Variants in CORIN observed in about 807,000 individuals in gnomAD.
The protein encoded by CORIN is corin, serine peptidase, also known as atrial natriuretic peptide-converting enzyme.
Under a neutral mutation model 125.3 loss-of-function variants are expected in CORIN, and 117 were observed. That is an observed-to-expected ratio of 0.93 (90% CI 0.80 to 1.09). The LOEUF (loss-of-function observed/expected upper bound fraction) is 1.09, where lower values mean the gene tolerates loss of function less well. Among genes scored for constraint, CORIN ranks in the 50% least tolerant of loss-of-function variants. The pLI, the probability that CORIN is intolerant of heterozygous loss-of-function variation, is 0.00. For synonymous variants in CORIN, 450 were observed against 466.4 expected, an observed-to-expected ratio of 0.96 and a Z score of 0.45; for missense variants, 1,253 against 1,306.7, an observed-to-expected ratio of 0.96 and a Z score of 0.63.
intron 16 of CORIN, among the ~76,000 whole-genome samples, chr4:47,635,398 G>T (rs937281360): frequency 6.6e-6 from 1 of 152,212 alleles, no homozygotes. Context: ...ACTGAAAGCT[G>T]CCTCAAGTAG....
chr4:47,761,971 T>C (rs1180963790), intron 4 of CORIN, among the ~76,000 whole-genome samples: 1 of 151,902 alleles, frequency 6.6e-6, no homozygotes, highest in African/African-American at 2.4e-5. Flanking sequence ...TCTCTAAGTG[T>C]GTATATATAT....
At chr4:47,644,859 CATATT>C (rs1253720430) in intron 14 of CORIN, among the ~76,000 whole-genome samples, 5 of 152,046 alleles carry the variant, frequency 3.3e-5, no homozygotes. Flanking sequence ...TTGATTTTCT[CATATT>C]ATAAATAATG....
chr4:47,725,783 C>T (rs1190043493), intron 5 of CORIN, among the ~76,000 whole-genome samples: 2 of 152,082 alleles, frequency 1.3e-5, no homozygotes, highest in African/African-American at 2.4e-5. Context: ...CTGTGAAAGA[C>T]ACTGTGAAGA....
chr4:47,674,877 T>C (rs1724943933), intron 9 of CORIN, among the ~76,000 whole-genome samples: 1 of 152,246 alleles, frequency 6.6e-6, no homozygotes, highest in Admixed American at 6.5e-5. Context: ...ATTCTGAATA[T>C]TAAGTGACAC....
chr4:47,785,757 C>T (rs1730767005), intron 3 of CORIN, among the ~76,000 whole-genome samples: 1 of 151,616 alleles, frequency 6.6e-6, no homozygotes, highest in South Asian at 2.1e-4. Context: ...ACTAAAAATA[C>T]AAAAATTAGC....
intron 3 of CORIN, among the ~76,000 whole-genome samples, chr4:47,782,112 C>T (rs972401198): frequency 6.6e-6 from 1 of 152,046 alleles, no homozygotes; most frequent in Non-Finnish European, 1.5e-5. Context: ...AGGCCAGGCG[C>T]AGTGGCTCAT....
intron 19 of CORIN, among the ~76,000 whole-genome samples, chr4:47,607,400 TC>T (rs1721695975): frequency 6.7e-6 from 1 of 150,170 alleles, no homozygotes; most frequent in African/African-American, 2.5e-5. Context: ...AGAGTGAGAC[TC>T]CATCTCAAAA....
chr4:47,754,755 G>A (rs1019946432), intron 4 of CORIN, among the ~76,000 whole-genome samples: 3 of 152,062 alleles, frequency 2.0e-5, no homozygotes, highest in Non-Finnish European at 2.9e-5. Flanking sequence ...AGGACTTCAG[G>A]TAGCAGGGAC....
intron 16 of CORIN, chr4:47,632,022 A>T (rs1183104650): frequency 6.6e-6 from 1 of 152,218 alleles, no homozygotes; most frequent in Non-Finnish European, 1.5e-5. Context: ...GAACAGCCAG[A>T]TCCCTAGACA....
At chr4:47,807,204 A>G (rs943233722) in intron 1 of CORIN, among the ~76,000 whole-genome samples, 157 bp from the exon 2 acceptor site, 1 of 152,270 alleles carries the variant, frequency 6.6e-6, no homozygotes, top group African/African-American at 2.4e-5. Context: ...AATCATGCCA[A>G]TAAAGGAACA....
At chr4:47,623,221 C>T (rs1009376591) in intron 19 of CORIN, among the ~76,000 whole-genome samples, 3 of 151,844 alleles carry the variant, frequency 2.0e-5, no homozygotes, top group Admixed American at 2.0e-4. Flanking sequence ...ATCCAAACCT[C>T]ATTGTAGTAT....
At chr4:47,823,149 T>C (rs1032728338) in intron 1 of CORIN, among the ~76,000 whole-genome samples, 2 of 152,182 alleles carry the variant, frequency 1.3e-5, no homozygotes, top group East Asian at 3.8e-4. Flanking sequence ...AAGCATGGAC[T>C]ACTGTTTTCC....
intron 17 of CORIN, 48 bp downstream of exon 17, chr4:47,626,357 C>G (rs1053520363): frequency 1.8e-6 from 2 of 1,124,242 alleles, no homozygotes; most frequent in Non-Finnish European, 2.7e-6. Context: ...ATGATAAACT[C>G]TTGCTCTGTA....
intron 16 of CORIN, among the ~76,000 whole-genome samples, chr4:47,636,979 A>G (rs1723050560): frequency 6.6e-6 from 1 of 152,186 alleles, no homozygotes; most frequent in Non-Finnish European, 1.5e-5. Flanking sequence ...ACTCCCTAGA[A>G]ACTAGTTGAA....
intron 10 of CORIN, 29 bp downstream of exon 10, chr4:47,674,364 C>CT: frequency 7.1e-7 from 1 of 1,404,384 alleles, no homozygotes; most frequent in Non-Finnish European, 1.0e-6. Context: ...CCTGACATGG[C>CT]TATTGCATTT....
chr4:47,782,402 AG>A (rs1402080744), intron 3 of CORIN, among the ~76,000 whole-genome samples: 1 of 150,300 alleles, frequency 6.7e-6, no homozygotes, highest in African/African-American at 2.4e-5. Context: ...AAAAAAAAAA[AG>A]AAAGAAAGAA....
chr4:47,722,178 G>A (rs1463115473), intron 5 of CORIN, among the ~76,000 whole-genome samples: 1 of 152,216 alleles, frequency 6.6e-6, no homozygotes, highest in African/African-American at 2.4e-5. Context: ...CACTGGAGAA[G>A]TGGAACCAGG....
At chr4:47,629,513 T>C (rs1034250550) in intron 16 of CORIN, among the ~76,000 whole-genome samples, 3 of 152,166 alleles carry the variant, frequency 2.0e-5, no homozygotes, top group Admixed American at 2.0e-4. Context: ...CAGAAAAATA[T>C]ATCGACAATT....
chr4:47,740,881 G>A (rs977581739), intron 5 of CORIN, among the ~76,000 whole-genome samples: 2 of 151,794 alleles, frequency 1.3e-5, no homozygotes, highest in Non-Finnish European at 3.0e-5. Context: ...ATACATACTA[G>A]GACAACTGAA....
Sources: gnomAD v4.1 joint callset for allele counts (sites outside exome capture counted in the v4.1 genomes callset) on GRCh38, gnomAD v4.1.1 for gene constraint, MANE v1.5 for transcripts, NCBI Gene and HGNC (gene_info 2026-07-23, HGNC 2026-07-21) for gene names.